Variants in FKBP5 observed in about 807,000 individuals in gnomAD.
FKBP5 encodes the protein peptidyl-prolyl cis-trans isomerase FKBP5.
A neutral mutation model predicts 50.5 loss-of-function variants in FKBP5; 23 were observed. The observed-to-expected ratio is 0.46, with a 90% confidence interval of 0.33 to 0.65. FKBP5 has a LOEUF of 0.65. Ranked by LOEUF, FKBP5 falls within the 30% of genes least tolerant of loss-of-function variation. The pLI is 0.02. For synonymous variants in FKBP5, 176 were observed against 190.6 expected (o/e 0.92, Z 0.63); for missense variants, 411 against 553.1 (o/e 0.74, Z 2.58).
intron 5 of FKBP5, among the ~76,000 whole-genome samples, chr6:35,601,977 A>C (rs1763159936): frequency 6.6e-6 from 1 of 152,222 alleles, no homozygotes; most frequent in Non-Finnish European, 1.5e-5. Context: ...TTAGCTGCGC[A>C]ATCGGAGTGT....
At chr6:35,651,342 T>C (rs908911411) in intron 1 of FKBP5, among the ~76,000 whole-genome samples, 1 of 152,226 alleles carries the variant, frequency 6.6e-6, no homozygotes, top group Admixed American at 6.5e-5. Context: ...AAACATTTCA[T>C]GGTTCCACTC....
chr6:35,579,326 T>C (rs545351379), intron 9 of FKBP5, among the ~76,000 whole-genome samples: 3 of 152,196 alleles, frequency 2.0e-5, no homozygotes, highest in African/African-American at 7.2e-5. Context: ...GCTTTTCTTA[T>C]CCTTTTATGT....
At chr6:35,616,045 G>A (rs1219093752) in intron 5 of FKBP5, among the ~76,000 whole-genome samples, 3 of 152,154 alleles carry the variant, frequency 2.0e-5, no homozygotes, top group Non-Finnish European at 2.9e-5. Context: ...GGGTGCGGTG[G>A]CTCATGCCTG....
intron 1 of FKBP5, among the ~76,000 whole-genome samples, chr6:35,674,108 G>C: frequency 6.6e-6 from 1 of 152,180 alleles, no homozygotes; most frequent in East Asian, 1.9e-4. Flanking sequence ...TGAGGACAGA[G>C]AGGAAACACT....
chr6:35,588,769 T>G (rs1476017685), intron 7 of FKBP5, among the ~76,000 whole-genome samples: 1 of 131,820 alleles, frequency 7.6e-6, no homozygotes, highest in African/African-American at 3.1e-5. Flanking sequence ...TCCAGCTAAT[T>G]TTTTTTTTTT....
rs537177463 is a variant in FKBP5, at chr6:35,606,516, C to T, written c.509-9112G>A. On this transcript the variant is annotated intron_variant, in intron 5 of 10. Transcript: ENST00000357266. ...ACTAAAAATATTTTAAAAAATTAGC[C>T]GGGCGTGGTGGTGGGCGCCTGTAGT... Among the ~76,000 whole-genome samples, 3 of 151,464 alleles carry T rather than the reference C, an allele frequency of 2.0e-5. No homozygotes were observed. The South Asian group carries it at 6.2e-4, about 32-fold the overall frequency.
intron 9 of FKBP5, among the ~76,000 whole-genome samples, chr6:35,578,218 C>G (rs1003316531): frequency 3.3e-4 from 50 of 151,974 alleles, no homozygotes; most frequent in African/African-American, 1.2e-3. Context: ...CAGGGTCTCA[C>G]TCTGTCGCCC....
chr6:35,648,490 G>A (rs986916334), intron 1 of FKBP5, among the ~76,000 whole-genome samples: 1 of 151,768 alleles, frequency 6.6e-6, no homozygotes, highest in Non-Finnish European at 1.5e-5. Context: ...TGCCCAGGCT[G>A]GTCTTGAAGT....
intron 1 of FKBP5, among the ~76,000 whole-genome samples, chr6:35,679,964 ATAACTT>A: frequency 6.6e-6 from 1 of 152,202 alleles, no homozygotes; most frequent in African/African-American, 2.4e-5. Context: ...TATAGGTCAT[ATAACTT>A]TATTATTTTC....
At chr6:35,727,767 C>T (rs1766747145) in intron 1 of FKBP5, among the ~76,000 whole-genome samples, 1 of 152,186 alleles carries the variant, frequency 6.6e-6, no homozygotes, top group Admixed American at 6.5e-5. Context: ...GAAGCACGGA[C>T]TGAGCGCTGG....
At chr6:35,717,183 A>C (rs979947300) in intron 2 of FKBP5, among the ~76,000 whole-genome samples, 2 of 152,208 alleles carry the variant, frequency 1.3e-5, no homozygotes, top group African/African-American at 4.8e-5. Context: ...TTAATAGAAA[A>C]GATTCCAGTT....
intron 1 of FKBP5, among the ~76,000 whole-genome samples, chr6:35,646,781 G>C (rs561841589): frequency 6.6e-6 from 1 of 152,270 alleles, no homozygotes; most frequent in East Asian, 1.9e-4. Context: ...ATCAGAAAGG[G>C]AACACAGTTC....
In FKBP5 at chr6:35,663,737, G is replaced by A. The variant is rs1765138129; in HGVS notation, c.-19-20894C>T. On this transcript the variant is annotated intron_variant, in intron 1 of 10. Transcript: ENST00000357266. ...TCACTCGCTTCAGGTCTGCCTTCAT[G>A]TTCAAACCTTTTCTTATCAGAGTTG... is the stretch of plus-strand genomic sequence containing the variant. 3.3e-5 allele frequency among the ~76,000 whole-genome samples: 5 copies of A among 152,106 alleles called. No individual in the cohort carries two copies. In the South Asian group the frequency reaches 1.0e-3, roughly 31 times the overall value.
chr6:35,651,976 G>A (rs932820216), intron 1 of FKBP5: 11 of 392,016 alleles, frequency 2.8e-5, no homozygotes, highest in African/African-American at 1.5e-4. Context: ...CGGAGGAACC[G>A]GCTGAAGCCA....
At chr6:35,685,586 T>C (rs1479759919) in intron 1 of FKBP5, among the ~76,000 whole-genome samples, 1 of 152,236 alleles carries the variant, frequency 6.6e-6, no homozygotes. Flanking sequence ...TGCCAATATG[T>C]ATAATATAGA....
intron 6 of FKBP5, among the ~76,000 whole-genome samples, chr6:35,594,904 GA>G (rs1316558858): frequency 6.6e-6 from 1 of 152,194 alleles, no homozygotes; most frequent in Non-Finnish European, 1.5e-5. Flanking sequence ...TTTTATGCCT[GA>G]AAAGATCTGA....
At chr6:35,630,939 C>A (rs1406944228) in intron 3 of FKBP5, among the ~76,000 whole-genome samples, 1 of 152,142 alleles carries the variant, frequency 6.6e-6, no homozygotes, top group African/African-American at 2.4e-5. Context: ...AGTGCTTGTC[C>A]TTTTAAGTAC....
chr6:35,722,737 T>C (rs1227996051), intron 1 of FKBP5, among the ~76,000 whole-genome samples: 1 of 152,180 alleles, frequency 6.6e-6, no homozygotes, highest in Non-Finnish European at 1.5e-5. Context: ...GCCTGGCCAA[T>C]TCCTCTCTCC....
chr6:35,695,557 A>G (rs984952655), intron 2 of FKBP5, among the ~76,000 whole-genome samples: 2 of 152,232 alleles, frequency 1.3e-5, no homozygotes, highest in African/African-American at 4.8e-5. Flanking sequence ...ACTAGAAAGG[A>G]AGACATAAAA....
Sources: gnomAD v4.1 joint callset for allele counts (sites outside exome capture counted in the v4.1 genomes callset) on GRCh38, gnomAD v4.1.1 for gene constraint, MANE v1.5 for transcripts, NCBI Gene and HGNC (gene_info 2026-07-23, HGNC 2026-07-21) for gene names.